TBXAS1: variants seen among roughly 807,000 people sequenced by gnomAD.
TBXAS1 encodes the protein thromboxane A synthase 1.
In TBXAS1, 48 loss-of-function variants were observed where a neutral mutation model predicts 60.7. The ratio of observed to expected loss-of-function variants is 0.79; its 90% confidence interval spans 0.63 to 1.01. The LOEUF (loss-of-function observed/expected upper bound fraction) is 1.01. Among genes scored for constraint, TBXAS1 ranks in the 50% least tolerant of loss-of-function variants. The probability of loss-of-function intolerance (pLI) is 0.00; values close to 1 mark genes in which losing one functional copy is unlikely to be tolerated. For synonymous variants in TBXAS1, 287 were observed against 269.7 expected, an observed-to-expected ratio of 1.06 and a Z score of -0.63; for missense variants, 685 against 686.3, an observed-to-expected ratio of 1.00 and a Z score of 0.02.
At chr7:139,870,912 A>G (rs1801776077) in intron 1 of TBXAS1, among the ~76,000 whole-genome samples, 1 of 152,010 alleles carries the variant, frequency 6.6e-6, no homozygotes, top group Non-Finnish European at 1.5e-5. Flanking sequence ...ATATAGGGAG[A>G]CCCTGTCTCT....
At chr7:139,928,099 G>A (rs1807033228) in intron 4 of TBXAS1, among the ~76,000 whole-genome samples, 1 of 152,276 alleles carries the variant, frequency 6.6e-6, no homozygotes, top group African/African-American at 2.4e-5. Flanking sequence ...CTATTTCACT[G>A]TTTAATATAA....
chr7:139,867,629 T>C (rs774239459), intron 1 of TBXAS1, among the ~76,000 whole-genome samples: 1 of 152,068 alleles, frequency 6.6e-6, no homozygotes, highest in Non-Finnish European at 1.5e-5. Context: ...AAGACCAGCC[T>C]GGCCAACAGG....
In TBXAS1 at chr7:140,015,759, G is replaced by A. The variant is rs1486763656; in HGVS notation, c.1263G>A (p.Leu421=). 10 of 1,613,382 alleles carry A rather than the reference G, an allele frequency of 6.2e-6. No individual in the cohort carries two copies. The highest frequency in any genetic ancestry group is 1.7e-5 in the Admixed American group (1 of 60,014). The part of the protein sequence containing the change: ...TREAAQDCEV[L]GQRIPAGAVL... ...AGGCAGCTCAGGACTGCGAGGTGCT[G>A]GGGCAGCGCATCCCCGCAGGCGCTG... The change falls in exon 11 of 13, where the codon CTG becomes CTA. Residue 421 remains leucine (L), a synonymous_variant. Coordinates refer to ENST00000448866, the MANE Select transcript of TBXAS1 (RefSeq NM_001061.7).
At chr7:139,955,343 T>A (rs895907472) in intron 6 of TBXAS1, 116 bp from the exon 7 acceptor site, 1 of 1,357,624 alleles carries the variant, frequency 7.4e-7, no homozygotes, top group Non-Finnish European at 1.0e-6. Context: ...TCCAGACACA[T>A]CTGCAGGGCT....
intron 2 of TBXAS1, among the ~76,000 whole-genome samples, chr7:139,874,723 G>A (rs183908571): frequency 2.0e-5 from 3 of 151,884 alleles, no homozygotes; most frequent in South Asian, 2.1e-4. Flanking sequence ...GTATTTTCAG[G>A]TCTAGTCCAT....
At chr7:139,875,835 A>G in intron 3 of TBXAS1, 198 bp downstream of exon 3, 1 of 665,934 alleles carries the variant, frequency 1.5e-6, no homozygotes, top group Non-Finnish European at 2.6e-6. Flanking sequence ...GGGGTTGCCC[A>G]CGGGGGGACT....
At chr7:139,958,424 A>T (rs566902256) in intron 8 of TBXAS1, among the ~76,000 whole-genome samples, 1 of 152,348 alleles carries the variant, frequency 6.6e-6, no homozygotes, top group African/African-American at 2.4e-5. Context: ...AGTGGGAAGA[A>T]AGGTCATTTC....
chr7:140,003,669 T>C (rs1488053087), intron 9 of TBXAS1, among the ~76,000 whole-genome samples: 1 of 152,234 alleles, frequency 6.6e-6, no homozygotes, highest in Non-Finnish European at 1.5e-5. Context: ...CCATACAGTT[T>C]TCTTCGGGGA....
intron 9 of TBXAS1, among the ~76,000 whole-genome samples, chr7:139,983,500 T>A (rs1383528414): frequency 2.0e-5 from 3 of 152,240 alleles, no homozygotes; most frequent in African/African-American, 7.2e-5. Flanking sequence ...GTCTTCTTGC[T>A]GTGTCTCTTA....
At chr7:139,875,247 T>C (rs962634855) in intron 2 of TBXAS1, among the ~76,000 whole-genome samples, 1 of 152,228 alleles carries the variant, frequency 6.6e-6, no homozygotes, top group African/African-American at 2.4e-5. Context: ...AAGTTACATA[T>C]AGTGGCAGTA....
At chr7:139,797,753 C>T (rs1261791698) in intron 4 of TBXAS1, among the ~76,000 whole-genome samples, 1 of 152,174 alleles carries the variant, frequency 6.6e-6, no homozygotes. Flanking sequence ...GTACTGCTGA[C>T]CACTGTAATG....
chr7:139,936,597 G>A (rs1009256676), intron 5 of TBXAS1, among the ~76,000 whole-genome samples: 1 of 152,166 alleles, frequency 6.6e-6, no homozygotes, highest in Non-Finnish European at 1.5e-5. Flanking sequence ...TGCTTTGGGG[G>A]CCCCAGGAGA....
intron 7 of TBXAS1, among the ~76,000 whole-genome samples, chr7:139,956,199 T>C (rs978389706): frequency 5.3e-5 from 8 of 152,114 alleles, no homozygotes; most frequent in African/African-American, 1.7e-4. Flanking sequence ...CAGGCTGGAG[T>C]GCAATGGCAC....
chr7:139,786,058 T>TTTTG (rs908873175), intron 3 of TBXAS1, among the ~76,000 whole-genome samples: 9 of 149,916 alleles, frequency 6.0e-5, no homozygotes, highest in Middle Eastern at 3.4e-3. Context: ...AGGGTTTTTT[T>TTTTG]TTTGTTTGTT....
chr7:139,861,944 G>T (rs1286084509), intron 1 of TBXAS1, among the ~76,000 whole-genome samples: 1 of 152,110 alleles, frequency 6.6e-6, no homozygotes, highest in Non-Finnish European at 1.5e-5. Flanking sequence ...AATGAGGTGG[G>T]GATGTATAAT....
At chr7:139,785,381 C>G (rs1283477078) in intron 3 of TBXAS1, among the ~76,000 whole-genome samples, 1 of 152,178 alleles carries the variant, frequency 6.6e-6, no homozygotes, top group Non-Finnish European at 1.5e-5. Context: ...AACTCATCTC[C>G]TCCCAAACCT....
chr7:139,835,786 G>A (rs1003858194), intron 1 of TBXAS1, among the ~76,000 whole-genome samples: 5 of 152,092 alleles, frequency 3.3e-5, no homozygotes, highest in Non-Finnish European at 5.9e-5. Context: ...AGAGCAATCA[G>A]ACAAGAGAAA....
At chr7:139,905,884 A>G (rs1805035105) in intron 3 of TBXAS1, among the ~76,000 whole-genome samples, 1 of 152,064 alleles carries the variant, frequency 6.6e-6, no homozygotes, top group African/African-American at 2.4e-5. Context: ...TCCTTTATGG[A>G]TTATGTTTTA....
chr7:139,938,963 A>T (rs1808042427), intron 5 of TBXAS1, among the ~76,000 whole-genome samples: 1 of 152,206 alleles, frequency 6.6e-6, no homozygotes, highest in Admixed American at 6.5e-5. Flanking sequence ...TCCCAAGCAA[A>T]TCCAGTGCTC....
Sources: allele counts gnomAD v4.1 joint callset (sites outside exome capture counted in the v4.1 genomes callset), GRCh38; gene constraint gnomAD v4.1.1; transcripts MANE v1.5; gene names NCBI Gene and HGNC (gene_info 2026-07-23, HGNC 2026-07-21).